ARHGAP28: variants seen among roughly 807,000 people sequenced by gnomAD.
ARHGAP28 encodes Rho GTPase activating protein 28, also known as rho GTPase-activating protein 28.
ARHGAP28 carries 56 observed loss-of-function variants against 90.7 expected under a neutral mutation model. The ratio of observed to expected loss-of-function variants is 0.62; its 90% CI spans 0.50 to 0.77. The LOEUF is 0.77. Ranked by LOEUF, ARHGAP28 falls within the 30% of genes least tolerant of loss-of-function variation. ARHGAP28 has a pLI of 0.00. For synonymous variants in ARHGAP28, 308 were observed against 323.3 expected (o/e 0.95, Z 0.51); for missense variants, 869 against 900.9 (o/e 0.96, Z 0.45).
At chr18:6,859,688 C>A in intron 4 of ARHGAP28, 120 bp from the exon 5 acceptor site, 1 of 981,046 alleles carries the variant, frequency 1.0e-6, no homozygotes, top group African/African-American at 1.6e-5. Flanking sequence ...TGTCCATGCA[C>A]AGGCAGTCAT....
At chr18:6,800,236 T>A (rs2056471975) in intron 1 of ARHGAP28, among the ~76,000 whole-genome samples, 1 of 152,164 alleles carries the variant, frequency 6.6e-6, no homozygotes, top group Non-Finnish European at 1.5e-5. Flanking sequence ...TGTGGAGAAA[T>A]AGGAACACTT....
At chr18:6,846,744 TG>T (rs1567968662) in intron 3 of ARHGAP28, among the ~76,000 whole-genome samples, 1 of 152,000 alleles carries the variant, frequency 6.6e-6, no homozygotes, top group East Asian at 1.9e-4. Context: ...TTCCAAAAAA[TG>T]GGTTTCTGTG....
At chr18:6,759,629 A>G (rs573500527) in intron 1 of ARHGAP28, among the ~76,000 whole-genome samples, 9 of 152,372 alleles carry the variant, frequency 5.9e-5, no homozygotes, top group African/African-American at 2.2e-4. Context: ...ATTGAAATCT[A>G]CAGCACATCT....
At chr18:6,730,075 G>A (rs906695548) in intron 1 of ARHGAP28, 132 bp downstream of exon 1, 3 of 934,490 alleles carry the variant, frequency 3.2e-6, no homozygotes, top group Non-Finnish European at 4.3e-6. Flanking sequence ...TGGACTAGAT[G>A]AGTGAGCCTG....
At chr18:6,825,628 T>C (rs77968800) in intron 2 of ARHGAP28, among the ~76,000 whole-genome samples, 9,818 of 152,236 alleles carry the variant, frequency 0.064, 346 homozygotes, top group African/African-American at 0.079. Context: ...TCTAGTAGTC[T>C]GCAGTGTCTA....
chr18:6,862,996 G>T (rs2057010102), intron 5 of ARHGAP28, among the ~76,000 whole-genome samples: 1 of 151,898 alleles, frequency 6.6e-6, no homozygotes, highest in East Asian at 1.9e-4. Flanking sequence ...GTCTCCTTTA[G>T]CTTCCTTCCT....
intron 2 of ARHGAP28, among the ~76,000 whole-genome samples, chr18:6,829,076 A>G (rs955891947): frequency 1.3e-5 from 2 of 152,208 alleles, no homozygotes; most frequent in Non-Finnish European, 2.9e-5. Context: ...ACGCCCCACC[A>G]CACATGTAAC....
rs374093700 is a variant in ARHGAP28, at chr18:6,896,562, G to A, written c.1966G>A (p.Ala656Thr). ...HAPLLSKVSMAIQLNNQTKAK... is the reference protein window; with the variant it reads ...HAPLLSKVSMTIQLNNQTKAK... ...TCCACTTCTCTCCAAGGTGTCCATG[G>A]CCATTCAACTCAACAATCAAACCAA... Residue 656 changes from alanine (A) to threonine (T), a missense_variant, in exon 16 of 18, where the codon GCC becomes ACC. Physicochemically the swap from Ala to Thr is moderately conservative, Grantham distance 58. Transcript: ENST00000383472. 136 of 1,613,992 alleles carry A rather than the reference G, an allele frequency of 8.4e-5. No individual in the cohort carries two copies. Among genetic ancestry groups the A allele is most frequent in the Non-Finnish European group, 1.1e-4 (127 of 1,180,008 alleles).
At chr18:6,828,224 G>A (rs984969308) in intron 2 of ARHGAP28, among the ~76,000 whole-genome samples, 2 of 152,198 alleles carry the variant, frequency 1.3e-5, no homozygotes, top group Non-Finnish European at 2.9e-5. Context: ...GGCGGCACGC[G>A]CCTGCAATCG....
chr18:6,875,610 A>G (rs985159031), intron 9 of ARHGAP28, among the ~76,000 whole-genome samples: 1 of 152,214 alleles, frequency 6.6e-6, no homozygotes, highest in East Asian at 1.9e-4. Flanking sequence ...CACATAATCA[A>G]TGCACAATAA....
At chr18:6,910,852 G>GT (rs749697324) in intron 17 of ARHGAP28, among the ~76,000 whole-genome samples, 1,311 of 129,852 alleles carry the variant, frequency 0.01, 21 homozygotes, top group African/African-American at 0.031. Context: ...TGTTTGCTTT[G>GT]TTTTTTTTTT....
intron 1 of ARHGAP28, among the ~76,000 whole-genome samples, chr18:6,742,493 G>A (rs1188872358): frequency 1.3e-5 from 2 of 152,126 alleles, no homozygotes; most frequent in African/African-American, 4.8e-5. Context: ...CTGTCTGGGA[G>A]TGTTAGGTAT....
intron 7 of ARHGAP28, among the ~76,000 whole-genome samples, chr18:6,871,058 T>TC (rs2057084185): frequency 6.6e-6 from 1 of 152,166 alleles, no homozygotes; most frequent in African/African-American, 2.4e-5. Context: ...CCTCGGCCTC[T>TC]CAAAGTGCTG....
intron 1 of ARHGAP28, among the ~76,000 whole-genome samples, chr18:6,754,388 T>C (rs567396641): frequency 4.7e-4 from 72 of 152,260 alleles, no homozygotes; most frequent in African/African-American, 1.7e-3. Context: ...CTATACTGGG[T>C]ATCATAAGCA....
intron 12 of ARHGAP28, among the ~76,000 whole-genome samples, chr18:6,889,595 T>C (rs12971163): frequency 0.57 from 86,270 of 152,068 alleles, 24,543 homozygotes; most frequent in Middle Eastern, 0.63. Flanking sequence ...AATTTTAACA[T>C]TTGTCAGACT....
chr18:6,869,983 T>C (rs998796377), intron 6 of ARHGAP28, among the ~76,000 whole-genome samples: 1 of 152,198 alleles, frequency 6.6e-6, no homozygotes, highest in African/African-American at 2.4e-5. Flanking sequence ...GTACTACATA[T>C]AACCCATTCA....
At chr18:6,742,043 T>C (rs1167303789) in intron 1 of ARHGAP28, among the ~76,000 whole-genome samples, 1 of 152,170 alleles carries the variant, frequency 6.6e-6, no homozygotes, top group African/African-American at 2.4e-5. Flanking sequence ...TGTGGGAATA[T>C]GGATGGAAGG....
At chr18:6,839,566 G>A (rs2056786648) in intron 3 of ARHGAP28, among the ~76,000 whole-genome samples, 1 of 152,128 alleles carries the variant, frequency 6.6e-6, no homozygotes, top group Non-Finnish European at 1.5e-5. Flanking sequence ...CAAAGTGCTG[G>A]GATTACAGGC....
At chr18:6,834,397 A>G (rs2143839113) in intron 2 of ARHGAP28, 1 of 152,236 alleles carries the variant, frequency 6.6e-6, no homozygotes, top group African/African-American at 2.4e-5. Flanking sequence ...GGTGGCCAGT[A>G]ATTATGAGGT....
Sources: gnomAD v4.1 joint callset for allele counts (sites outside exome capture counted in the v4.1 genomes callset) on GRCh38, gnomAD v4.1.1 for gene constraint, MANE v1.5 for transcripts, NCBI Gene and HGNC (gene_info 2026-07-23, HGNC 2026-07-21) for gene names.